YY1AP1: variants seen among roughly 807,000 people sequenced by gnomAD.
The protein encoded by YY1AP1 is YY1-associated protein 1.
In YY1AP1, 43 loss-of-function variants were observed where a neutral mutation model predicts 39.9. The observed-to-expected ratio is 1.08, with a 90% confidence interval of 0.84 to 1.39. The LOEUF (loss-of-function observed/expected upper bound fraction) is 1.39. Ranked by LOEUF, YY1AP1 falls within the 40% of genes most tolerant of loss-of-function variation. YY1AP1 has a pLI of 0.00. For missense variants in YY1AP1, 813 were observed against 900.7 expected, an observed-to-expected ratio of 0.90 and a Z score of 1.25; for synonymous variants, 292 against 331.3, an observed-to-expected ratio of 0.88 and a Z score of 1.29.
At chr1:155,670,631 C>T (rs189656358) in intron 7 of YY1AP1, 167 bp from the exon 8 acceptor site, 1 of 651,338 alleles carries the variant, frequency 1.5e-6, no homozygotes, top group African/African-American at 2.0e-5. Flanking sequence ...CCTCAACTAA[C>T]ATTAGGTCTA....
chr1:155,672,696 G>C lies in YY1AP1; in HGVS notation c.447C>G (p.Ala149=), dbSNP rs773355906. ...ELGTFAQSSI[A]LHHQYNPKFQ... The stretch of plus-strand genomic sequence containing the variant: ...ACTTGGGGTTGTACTGATGGTGAAG[G>C]GCGATGGAGCTTTGAGCAAAGGTTC... The change falls in exon 7 of 11, where the codon GCC becomes GCG. Residue 149 remains alanine (A), a synonymous_variant. Coordinates refer to ENST00000355499, the MANE Select transcript of YY1AP1 (RefSeq NM_139119.3). 3.8e-5 allele frequency: 62 copies of C among 1,613,994 alleles called. No homozygotes were observed. The South Asian group carries it at 5.2e-4, about 13-fold the overall frequency.
In YY1AP1 at chr1:155,688,683, T is replaced by C; in HGVS notation, c.-176A>G. 4 of 1,529,562 alleles carry C rather than the reference T, an allele frequency of 2.6e-6. No homozygotes were observed. The highest frequency in any genetic ancestry group is 2.4e-5 in the South Asian group (2 of 83,028). 94.7% of individuals were successfully genotyped at this position (1,529,562 alleles called of 1,614,324 possible). Reference sequence around the variant, plus strand: ...CCTTCAGCGGCGCGAGCCCAAGCCTTCTCCACCTCCTCTTCTCTCCTCCCC... The same window carrying C: ...CCTTCAGCGGCGCGAGCCCAAGCCTCCTCCACCTCCTCTTCTCTCCTCCCC... On this transcript the variant is annotated 5_prime_UTR_variant, in exon 1 of 11. Transcript: ENST00000355499.
chr1:155,660,379 C>T lies in YY1AP1; in HGVS notation c.1531G>A (p.Val511Ile). Residue 511 changes from valine (V) to isoleucine (I), a missense_variant, in exon 11 of 11, where the codon GTA becomes ATA. Transcript: ENST00000355499. ...GAAGAGGCAGGGGAGGGCATCATTA[C>T]CTTGGGCACAGGGGCAGAAGAGAGC... ...TLLSSAPVPK[V>I]MMPSPASSMF... 6.2e-7 allele frequency: 1 copy of T among 1,614,148 alleles called. No homozygotes were observed.
chr1:155,659,555 G>T lies in YY1AP1; in HGVS notation c.*102C>A. On this transcript the variant is annotated 3_prime_UTR_variant, in exon 11 of 11. Coordinates refer to ENST00000355499, the MANE Select transcript of YY1AP1 (RefSeq NM_139119.3). ...AAGAGCCCCAGTTGCAAAATCTGGG[G>T]TTTAAGTACCCTTTAGGGGTTTCCT... The T allele has an allele frequency of 7.4e-7, 1 of 1,353,200 alleles. No homozygotes were observed. The highest frequency in any genetic ancestry group is 1.0e-6 in the Non-Finnish European group (1 of 985,612). 83.8% of individuals were successfully genotyped at this position (1,353,200 alleles called of 1,614,324 possible). A position where few individuals can be genotyped will look rare whatever the true frequency, so the allele number is the denominator to read the frequency against.
intron 9 of YY1AP1, among the ~76,000 whole-genome samples, chr1:155,665,951 T>A (rs1313542597): frequency 6.6e-6 from 1 of 151,540 alleles, no homozygotes; most frequent in African/African-American, 2.4e-5. Context: ...ACGCTTAAAG[T>A]GGAATAATGT....
intron 1 of YY1AP1, 123 bp from the exon 2 acceptor site, chr1:155,688,324 G>C: frequency 6.5e-7 from 1 of 1,548,918 alleles, no homozygotes; most frequent in Non-Finnish European, 8.7e-7. Flanking sequence ...CAAAATGGCG[G>C]CGGCAGCGGC....
intron 1 of YY1AP1, 145 bp downstream of exon 1, chr1:155,688,514 C>T (rs1558324092): frequency 6.5e-7 from 1 of 1,546,074 alleles, no homozygotes; most frequent in Non-Finnish European, 8.7e-7. Flanking sequence ...GGGCTCGTCG[C>T]TGGCTGCTCC....
chr1:155,679,410 G>A lies in YY1AP1; in HGVS notation c.124C>T (p.Arg42Trp), dbSNP rs546288068. The A allele has an allele frequency of 1.3e-5, 21 of 1,614,070 alleles. No homozygotes were observed. The African/African-American group carries it at 2.1e-4, about 16-fold the overall frequency. ...TCTCAAGGTCTTCAACTAGCCTACC[G>A]TAGAGCTTGAGGGGTGTTAAAGTTA... ...QANFNTPQAL[R>W]FEELLANLLN... is the part of the protein sequence containing the mutation. Residue 42 changes from arginine to tryptophan, a missense_variant and splice_region_variant, in exon 4 of 11, where the codon CGG becomes TGG. By Grantham distance (101) the Arg-to-Trp change is moderately radical. This residue lies in a region of YY1AP1 where 196 missense variants were observed against 189.7 expected (regional missense o/e 1.03). Coordinates refer to ENST00000355499, the MANE Select transcript of YY1AP1 (RefSeq NM_139119.3).
rs1005519307 is a variant in YY1AP1 at position 155,676,632 on chromosome 1, C to A, written c.240G>T (p.Lys80Asn). 6.2e-6 allele frequency: 10 copies of A among 1,614,046 alleles called. No homozygotes were observed. Among genetic ancestry groups the A allele is most frequent in the Non-Finnish European group, 8.5e-6 (10 of 1,180,044 alleles). The change falls in exon 5 of 11, where the codon AAG (lysine) becomes AAT (asparagine). Residue 80 changes from lysine (K) to asparagine (N), a missense_variant. Coordinates refer to ENST00000355499, the MANE Select transcript of YY1AP1 (RefSeq NM_139119.3). ...PSAKQQKEVE[K>N]VKPQCKEVHQ... The stretch of plus-strand genomic sequence containing the variant: ...GAACTTCCTTACACTGGGGTTTAAC[C>A]TTCTCTACCTCCTTCTGCTGTTTGG...
upstream of YY1AP1, chr1:155,688,922 C>T: frequency 6.2e-7 from 1 of 1,613,204 alleles, no homozygotes; most frequent in Non-Finnish European, 8.5e-7. Context: ...AGTCCCATGA[C>T]AACCTACCTC....
At chr1:155,683,249 G>T (rs1194811816) in intron 2 of YY1AP1, among the ~76,000 whole-genome samples, 1 of 152,136 alleles carries the variant, frequency 6.6e-6, no homozygotes, top group Non-Finnish European at 1.5e-5. Context: ...ATCTTGTTTT[G>T]TCCATCACTG....
At chr1:155,661,550 C>CACA (rs1206217942) in intron 9 of YY1AP1, 127 bp from the exon 10 acceptor site, 125 of 1,448,776 alleles carry the variant, frequency 8.6e-5, no homozygotes, top group South Asian at 5.7e-4. Context: ...CACACACACA[C>CACA]AAGACCACAT....
intron 9 of YY1AP1, among the ~76,000 whole-genome samples, chr1:155,666,937 T>C (rs1418861917): frequency 1.3e-5 from 2 of 151,986 alleles, no homozygotes; most frequent in Middle Eastern, 6.3e-3. Flanking sequence ...TAGGTGGAGG[T>C]TGCAGTGAGC....
At chr1:155,674,142 C>CAG (rs1314051123) in intron 6 of YY1AP1, among the ~76,000 whole-genome samples, 5 of 118,910 alleles carry the variant, frequency 4.2e-5, no homozygotes, top group African/African-American at 1.4e-4. Flanking sequence ...GCCTGGGCGA[C>CAG]AGAGCGAGAC....
chr1:155,668,916 T>C, intron 8 of YY1AP1, 139 bp from the exon 9 acceptor site: 1 of 1,263,820 alleles, frequency 7.9e-7, no homozygotes, highest in Non-Finnish European at 1.1e-6. Flanking sequence ...TGGGCTGGAG[T>C]GCAGTGGCGT....
At chr1:155,685,996 T>C (rs1488293191) in intron 2 of YY1AP1, among the ~76,000 whole-genome samples, 2 of 150,104 alleles carry the variant, frequency 1.3e-5, no homozygotes, top group East Asian at 2.0e-4. Flanking sequence ...ATAGAGTTCA[T>C]AGACGGGATC....
At chr1:155,663,086 C>A (rs1376378068) in intron 9 of YY1AP1, among the ~76,000 whole-genome samples, 1 of 151,842 alleles carries the variant, frequency 6.6e-6, no homozygotes, top group African/African-American at 2.4e-5. Flanking sequence ...ACACAAATTA[C>A]TTCTGGCCAG....
At chr1:155,669,105 T>G (rs1249055831) in intron 8 of YY1AP1, among the ~76,000 whole-genome samples, 2 of 152,168 alleles carry the variant, frequency 1.3e-5, no homozygotes, top group Non-Finnish European at 2.9e-5. Flanking sequence ...ATGATTACAG[T>G]GCACTGCAGT....
At chr1:155,679,692 T>G in intron 3 of YY1AP1, 180 bp from the exon 4 acceptor site, 1 of 985,452 alleles carries the variant, frequency 1.0e-6, no homozygotes, top group South Asian at 4.7e-5. Context: ...GGAATGACTA[T>G]TATGCCAGGA....
Sources: gnomAD v4.1 joint callset for allele counts (sites outside exome capture counted in the v4.1 genomes callset) on GRCh38, gnomAD v4.1.1 for gene constraint, gnomAD v4.1.1 regional missense constraint, MANE v1.5 for transcripts, NCBI Gene and HGNC (gene_info 2026-07-23, HGNC 2026-07-21) for gene names.